Variants in GRAP2 observed in about 807,000 individuals in gnomAD.
GRAP2 encodes GRB2 related adaptor protein 2.
GRAP2 carries 31 observed loss-of-function variants against 43.5 expected under a neutral mutation model. The ratio of observed to expected loss-of-function variants is 0.71; its 90% CI spans 0.54 to 0.96. The LOEUF (loss-of-function observed/expected upper bound fraction) is 0.96. GRAP2 is among the 40% of genes least tolerant of loss of function. GRAP2 has a pLI of 0.00. For missense variants in GRAP2, 371 were observed against 424.4 expected (o/e 0.87, Z 1.11); for synonymous variants, 156 against 164.8 (o/e 0.95, Z 0.41).
chr22:39,968,078 G>A lies in GRAP2; in HGVS notation c.496G>A (p.Gly166Arg). 2 of 1,612,686 alleles carry A rather than the reference G, an allele frequency of 1.2e-6. No individual in the cohort carries two copies. Among genetic ancestry groups the A allele is most frequent in the Non-Finnish European group, 1.7e-6 (2 of 1,179,354 alleles). The change falls in exon 6 of 8, where the codon GGA (glycine) becomes AGA (arginine). Residue 166 changes from glycine (G) to arginine (R), a missense_variant. Physicochemically the swap from Gly to Arg is moderately radical, Grantham distance 125. Transcript: ENST00000344138. Reference protein sequence around the residue: ...RGNSLDRRSQGGPHLSGAVGE... With the variant: ...RGNSLDRRSQRGPHLSGAVGE... ...CAACAGCCTGGACCGGAGGTCCCAG[G>A]GAGGCCCACACCTCAGTGGGGCTGT...
intron 1 of GRAP2, among the ~76,000 whole-genome samples, chr22:39,920,344 C>G (rs140393236): frequency 3.3e-4 from 50 of 152,290 alleles, no homozygotes; most frequent in South Asian, 8.3e-4. Context: ...TCCCGTTATG[C>G]CCAATGTGTG....
At chr22:39,914,689 A>C (rs923001982) in intron 1 of GRAP2, among the ~76,000 whole-genome samples, 1 of 152,204 alleles carries the variant, frequency 6.6e-6, no homozygotes, top group East Asian at 1.9e-4. Flanking sequence ...TTGCAACCAG[A>C]AAATGGTGTC....
chr22:39,951,454 A>G (rs761227013), intron 2 of GRAP2, among the ~76,000 whole-genome samples: 5 of 151,776 alleles, frequency 3.3e-5, no homozygotes, highest in East Asian at 2.0e-4. Flanking sequence ...CATTTCTTCA[A>G]TACTTCAGAT....
At chr22:39,937,803 C>G (rs141304860) in intron 1 of GRAP2, among the ~76,000 whole-genome samples, 1 of 152,064 alleles carries the variant, frequency 6.6e-6, no homozygotes, top group South Asian at 2.1e-4. Context: ...ACCTAAGTCC[C>G]GTAGTAAACC....
intron 1 of GRAP2, among the ~76,000 whole-genome samples, chr22:39,930,149 A>T (rs1331277454): frequency 6.6e-6 from 1 of 152,232 alleles, no homozygotes; most frequent in Non-Finnish European, 1.5e-5. Flanking sequence ...TACTTTTTAA[A>T]GTGCCACCAA....
At chr22:39,902,512 T>G (rs1436879112) in intron 1 of GRAP2, among the ~76,000 whole-genome samples, 1 of 152,192 alleles carries the variant, frequency 6.6e-6, no homozygotes, top group Non-Finnish European at 1.5e-5. Flanking sequence ...ACTCATACCC[T>G]TTTTTGTTTT....
In GRAP2 at chr22:39,960,111, A is replaced by G. The variant is rs1370013563; in HGVS notation, c.227A>G (p.Glu76Gly). Residue 76 changes from glutamate (E) to glycine (G), a missense_variant, in exon 4 of 8, where the codon GAG (glutamate) becomes GGG (glycine). Physicochemically the swap from Glu to Gly is moderately conservative, Grantham distance 98. Coordinates refer to ENST00000344138, the MANE Select transcript of GRAP2 (RefSeq NM_004810.4). ...HQAENLLMGK[E>G]VGFFIIRASQ... The stretch of plus-strand genomic sequence containing the variant: ...GCAGAGAACTTACTCATGGGCAAGG[A>G]GGTTGGCTTCTTCATCATCCGGGCC... 1 of 1,612,666 alleles carries G rather than the reference A, an allele frequency of 6.2e-7. No homozygotes were observed. Among genetic ancestry groups the G allele is most frequent in the East Asian group, 2.2e-5 (1 of 44,854 alleles).
intron 2 of GRAP2, among the ~76,000 whole-genome samples, chr22:39,950,187 A>G (rs2066967148): frequency 6.6e-6 from 1 of 152,098 alleles, no homozygotes; most frequent in Non-Finnish European, 1.5e-5. Context: ...CTCCTCTACC[A>G]TGGAAACCTC....
chr22:39,968,758 T>G, intron 6 of GRAP2: 1 of 160,224 alleles, frequency 6.2e-6, no homozygotes, highest in African/African-American at 2.4e-5. Context: ...CTGAATTCCT[T>G]AGCAGGGCAC....
chr22:39,972,435 G>A lies in GRAP2; in HGVS notation c.*1351G>A, dbSNP rs964210991. 8 of 152,334 alleles carry A rather than the reference G, an allele frequency of 5.3e-5. No homozygotes were observed. Among genetic ancestry groups the A allele is most frequent in the African/African-American group, 1.9e-4 (8 of 41,462 alleles). 9.4% of individuals were successfully genotyped at this position (152,334 alleles called of 1,614,324 possible). A position where few individuals can be genotyped will look rare whatever the true frequency, so the allele number is the denominator to read the frequency against. ...CCTGTGTGTATACATGTGTGCTTGT[G>A]TATGCATATGTGTGCATTCCTGCAT... On this transcript the variant is annotated 3_prime_UTR_variant, in exon 8 of 8. Coordinates refer to ENST00000344138, the MANE Select transcript of GRAP2 (RefSeq NM_004810.4).
chr22:39,909,644 G>T (rs1421424094), intron 1 of GRAP2, among the ~76,000 whole-genome samples: 3 of 151,980 alleles, frequency 2.0e-5, no homozygotes, highest in African/African-American at 4.8e-5. Context: ...AAAAACATTG[G>T]GTCCTTTCCC....
chr22:39,947,347 G>A (rs1007655115), intron 2 of GRAP2, 163 bp downstream of exon 2: 12 of 618,004 alleles, frequency 1.9e-5, no homozygotes, highest in South Asian at 3.8e-5. Context: ...CAACCAGGCC[G>A]GGTGATGGAA....
intron 1 of GRAP2, among the ~76,000 whole-genome samples, chr22:39,924,660 C>T (rs1601700837): frequency 6.6e-6 from 1 of 152,088 alleles, no homozygotes; most frequent in Admixed American, 6.5e-5. Flanking sequence ...CAAGATTATA[C>T]CACTACACTC....
At chr22:39,955,075 T>A (rs1162317004) in intron 2 of GRAP2, among the ~76,000 whole-genome samples, 2 of 152,212 alleles carry the variant, frequency 1.3e-5, no homozygotes, top group Non-Finnish European at 2.9e-5. Context: ...TTTTGAAAAG[T>A]TTCCTGGGCC....
chr22:39,926,385 CA>C (rs1437476702), intron 1 of GRAP2, among the ~76,000 whole-genome samples: 4 of 150,058 alleles, frequency 2.7e-5, no homozygotes, highest in Admixed American at 6.7e-5. Flanking sequence ...CTACAAATAC[CA>C]GAGCTAGCAA....
Position 39,947,080 on chromosome 22 carries a change from A to G in GRAP2, c.-14-13A>G. ...GGCAGAGAGGCACAATGACCACATT[A>G]TTTCTCTTCCAGCTTCACGTTACAG... On this transcript the variant is annotated splice_polypyrimidine_tract_variant and intron_variant, in intron 1 of 7. Transcript: ENST00000344138. 7 of 1,497,554 alleles carry G rather than the reference A, an allele frequency of 4.7e-6. No individual in the cohort carries two copies. Among genetic ancestry groups the G allele is most frequent in the Non-Finnish European group, 6.5e-6 (7 of 1,073,638 alleles). The allele number at this position is 1,497,554 out of a possible 1,614,324, so 92.8% of individuals were successfully genotyped here.
At chr22:39,910,557 C>T (rs913175511) in intron 1 of GRAP2, among the ~76,000 whole-genome samples, 6 of 151,682 alleles carry the variant, frequency 4.0e-5, no homozygotes, top group Admixed American at 2.0e-4. Context: ...TACAGGCGCC[C>T]GCCACCACGC....
At chr22:39,969,139 A>G (rs2067211090) in intron 6 of GRAP2, among the ~76,000 whole-genome samples, 2 of 152,180 alleles carry the variant, frequency 1.3e-5, no homozygotes, top group Non-Finnish European at 2.9e-5. Flanking sequence ...TTCCAGCTAT[A>G]TTTCCCTTGT....
At chr22:39,968,726 A>G (rs1198719054) in intron 6 of GRAP2, 1 of 167,334 alleles carries the variant, frequency 6.0e-6, no homozygotes, top group Non-Finnish European at 1.3e-5. Context: ...GAGATGGACA[A>G]TACGGCCAGA....
Sources: gnomAD v4.1 joint callset for allele counts (sites outside exome capture counted in the v4.1 genomes callset) on GRCh38, gnomAD v4.1.1 for gene constraint, MANE v1.5 for transcripts, NCBI Gene and HGNC (gene_info 2026-07-23, HGNC 2026-07-21) for gene names.